HYAL4: variants seen among roughly 807,000 people sequenced by gnomAD.
HYAL4 encodes the protein hyaluronidase 4.
HYAL4 carries 37 observed loss-of-function variants against 35.2 expected under a neutral mutation model. The ratio of observed to expected loss-of-function variants is 1.05; its 90% CI spans 0.81 to 1.38. HYAL4 has a LOEUF of 1.38. HYAL4 is among the 40% of genes most tolerant of loss of function. HYAL4 has a pLI of 0.00. For synonymous variants in HYAL4, 198 were observed against 203.2 expected, an observed-to-expected ratio of 0.97 and a Z score of 0.22; for missense variants, 572 against 572.4, an observed-to-expected ratio of 1.00 and a Z score of 0.01.
the HYAL4 span, among the ~76,000 whole-genome samples, chr7:123,819,904 T>C: frequency 6.6e-6 from 1 of 151,180 alleles, no homozygotes; most frequent in African/African-American, 2.4e-5. Flanking sequence ...TCTTTTTTTT[T>C]TTTTTGTGAG....
chr7:123,869,837 A>ACCCCC (rs36110237), intron 3 of HYAL4, among the ~76,000 whole-genome samples: 3 of 140,050 alleles, frequency 2.1e-5, no homozygotes, highest in Non-Finnish European at 3.1e-5. Context: ...ACAGGTGCTC[A>ACCCCC]CCCCCCCCCA....
the HYAL4 span, among the ~76,000 whole-genome samples, chr7:123,818,196 A>G: frequency 6.6e-6 from 1 of 152,178 alleles, no homozygotes; most frequent in Non-Finnish European, 1.5e-5. Flanking sequence ...AACACTTTAA[A>G]ACAGCATTTT....
chr7:123,803,808 G>A, the HYAL4 span, among the ~76,000 whole-genome samples: 1 of 152,196 alleles, frequency 6.6e-6, no homozygotes, highest in South Asian at 2.1e-4. Context: ...TTCTTCTTCT[G>A]CATCTTTCCT....
the HYAL4 span, among the ~76,000 whole-genome samples, chr7:123,804,940 C>A: frequency 6.6e-6 from 1 of 152,200 alleles, no homozygotes; most frequent in African/African-American, 2.4e-5. Flanking sequence ...AACCTATTCT[C>A]ACTTCCAGAT....
the HYAL4 span, among the ~76,000 whole-genome samples, chr7:123,766,204 G>A: frequency 6.6e-6 from 1 of 152,062 alleles, no homozygotes; most frequent in South Asian, 2.1e-4. Context: ...TATTATGAAA[G>A]GTTCCTAATT....
chr7:123,814,122 G>C, the HYAL4 span: 1 of 152,260 alleles, frequency 6.6e-6, no homozygotes, highest in South Asian at 2.1e-4. Flanking sequence ...CTGCTGTAAT[G>C]CTGAAAACCT....
At chr7:123,832,479 CTTTTTTTTTTTTTTTTTTTTTT>C (rs71163703) in intron 1 of HYAL4, among the ~76,000 whole-genome samples, 7 of 21,816 alleles carry the variant, frequency 3.2e-4, no homozygotes, top group East Asian at 3.4e-3. Context: ...TTGTGTCATA[CTTTTTTTTTTTTTTTTTTTTTT>C]TTTTTTTTTT....
upstream of HYAL4, among the ~76,000 whole-genome samples, chr7:123,840,924 C>G (rs553477946): frequency 1.3e-4 from 20 of 152,106 alleles, no homozygotes; most frequent in Non-Finnish European, 2.6e-4. Context: ...ACAATCATGT[C>G]ATCTACAAAC....
At chr7:123,817,640 A>G in the HYAL4 span, among the ~76,000 whole-genome samples, 4 of 149,400 alleles carry the variant, frequency 2.7e-5, no homozygotes, top group Non-Finnish European at 5.9e-5. Flanking sequence ...CCTCCTGAGT[A>G]GTTGGGATTA....
chr7:123,813,445 T>C, the HYAL4 span, among the ~76,000 whole-genome samples: 1 of 152,152 alleles, frequency 6.6e-6, no homozygotes, highest in Non-Finnish European at 1.5e-5. Context: ...AGTTTCTTTA[T>C]AGGAAAACCA....
chr7:123,825,530 C>A (rs145228960), upstream of HYAL4, among the ~76,000 whole-genome samples: 1,871 of 151,976 alleles, frequency 0.012, 34 homozygotes, highest in African/African-American at 0.043. Context: ...AGAGATCTGG[C>A]CTTTGTCCTT....
At chr7:123,793,281 G>A in the HYAL4 span, among the ~76,000 whole-genome samples, 1 of 152,128 alleles carries the variant, frequency 6.6e-6, no homozygotes, top group Non-Finnish European at 1.5e-5. Context: ...TGCCTTCTTT[G>A]CTTAAGAACA....
At chr7:123,785,642 C>T in the HYAL4 span, among the ~76,000 whole-genome samples, 50 of 152,276 alleles carry the variant, frequency 3.3e-4, no homozygotes, top group African/African-American at 1.1e-3. This position sits in a 1 kb window ranked among gnomAD's most constrained non-coding sequence, Gnocchi z 4.5. Flanking sequence ...GTATATGCCA[C>T]GTATTTCATG....
At position 123,877,264 on chromosome 7, in the gene HYAL4, AG is replaced by A; in HGVS notation, c.*110del. Reference sequence around the variant, plus strand: ...ATGAATTCTATTGAGAGATATTATAAGTAGACATTATGTATGTCACTTAACA... The same window carrying A: ...ATGAATTCTATTGAGAGATATTATAATAGACATTATGTATGTCACTTAACA... On this transcript the variant is annotated 3_prime_UTR_variant, in exon 5 of 5. Transcript: ENST00000223026. 1 of 1,083,136 alleles carries A rather than the reference AG, an allele frequency of 9.2e-7. No homozygotes were observed. Among genetic ancestry groups the A allele is most frequent in the East Asian group, 2.4e-5 (1 of 41,080 alleles). The allele number at this position is 1,083,136 out of a possible 1,614,324, so 67.1% of individuals were successfully genotyped here. A position where few individuals can be genotyped will look rare whatever the true frequency, so the allele number is the denominator to read the frequency against.
the HYAL4 span, among the ~76,000 whole-genome samples, chr7:123,805,388 G>C: frequency 2.1e-4 from 32 of 152,126 alleles, no homozygotes; most frequent in African/African-American, 7.2e-4. Flanking sequence ...AATGAAGGAA[G>C]GTATAAATGG....
At chr7:123,847,485 T>C (rs1172974096) in intron 1 of HYAL4, among the ~76,000 whole-genome samples, 1 of 152,124 alleles carries the variant, frequency 6.6e-6, no homozygotes, top group Non-Finnish European at 1.5e-5. Flanking sequence ...TTTTTAATAA[T>C]ACATGCTTTA....
the HYAL4 span, among the ~76,000 whole-genome samples, chr7:123,793,534 TG>T: frequency 6.6e-6 from 1 of 152,190 alleles, no homozygotes; most frequent in African/African-American, 2.4e-5. Flanking sequence ...AATTTAATCA[TG>T]GGGGCCGTTA....
At chr7:123,835,980 T>TG (rs1805958767) in intron 1 of HYAL4, among the ~76,000 whole-genome samples, 1 of 152,164 alleles carries the variant, frequency 6.6e-6, no homozygotes, top group African/African-American at 2.4e-5. Context: ...TATTGAGACT[T>TG]GTTTCATGGC....
intron 3 of HYAL4, among the ~76,000 whole-genome samples, chr7:123,871,825 C>T (rs565178059): frequency 6.6e-6 from 1 of 152,216 alleles, no homozygotes; most frequent in South Asian, 2.1e-4. Context: ...TAACAGCCAT[C>T]AAAGCCTTAA....
Sources: gnomAD v4.1 joint callset for allele counts (sites outside exome capture counted in the v4.1 genomes callset) on GRCh38, gnomAD v4.1.1 for gene constraint, Gnocchi (gnomAD v3.1) non-coding constraint, MANE v1.5 for transcripts, NCBI Gene and HGNC (gene_info 2026-07-23, HGNC 2026-07-21) for gene names.